Variants in TENM3 observed in about 807,000 individuals in gnomAD.
TENM3 encodes teneurin transmembrane protein 3.
Under a neutral mutation model 255.1 loss-of-function variants are expected in TENM3, and 63 were observed. The observed-to-expected ratio is 0.25, with a 90% CI of 0.20 to 0.30. The LOEUF is 0.30. Ranked by LOEUF, TENM3 falls within the 10% of genes least tolerant of loss-of-function variation. The probability of loss-of-function intolerance (pLI) is 1.00; values close to 1 mark genes in which losing one functional copy is unlikely to be tolerated. For missense variants in TENM3, 2,929 were observed against 3,461.1 expected, an observed-to-expected ratio of 0.85 and a Z score of 3.86; for synonymous variants, 1,306 against 1,322.3, an observed-to-expected ratio of 0.99 and a Z score of 0.27.
At chr4:182,725,779 G>A (rs1049616658) in intron 13 of TENM3, among the ~76,000 whole-genome samples, 2 of 151,720 alleles carry the variant, frequency 1.3e-5, no homozygotes, top group Non-Finnish European at 2.9e-5. Flanking sequence ...GAGATTACAG[G>A]CACCCACCAC....
rs551011568 is a variant in TENM3 at position 182,232,644 on chromosome 4, G to A, written c.-76+87890G>A. 6.6e-5 allele frequency among the ~76,000 whole-genome samples: 10 copies of A among 152,118 alleles called. No individual in the cohort carries two copies. The South Asian group carries it at 1.5e-3, about 22-fold the overall frequency. ...CTCGGAGACCAAGGTTGCAGTGAGC[G>A]GAGATCGCGCCACTGCACTCCAGCC... On this transcript the variant is annotated intron_variant, in intron 1 of 2. Transcript: ENST00000512480.
At chr4:181,622,732 T>C in the TENM3 span, among the ~76,000 whole-genome samples, 1 of 152,150 alleles carries the variant, frequency 6.6e-6, no homozygotes, top group Non-Finnish European at 1.5e-5. Context: ...GAGGGCTTCA[T>C]TGAAATAGAA....
At chr4:182,339,613 G>C (rs1352202362) in intron 2 of TENM3, among the ~76,000 whole-genome samples, 1 of 152,128 alleles carries the variant, frequency 6.6e-6, no homozygotes, top group African/African-American at 2.4e-5. Context: ...GGCCTTCATT[G>C]GTCTGATGTG....
the TENM3 span, among the ~76,000 whole-genome samples, chr4:181,548,576 A>T: frequency 3.3e-5 from 5 of 152,194 alleles, no homozygotes; most frequent in Non-Finnish European, 5.9e-5. Context: ...GTGTTCTCAG[A>T]AATATAATTT....
the TENM3 span, among the ~76,000 whole-genome samples, chr4:181,855,864 T>C: frequency 0.32 from 42,885 of 132,874 alleles, 6,439 homozygotes; most frequent in Middle Eastern, 0.46. Flanking sequence ...GGAGGGAGGA[T>C]AGGAGGAAGC....
At chr4:181,484,846 G>A in the TENM3 span, among the ~76,000 whole-genome samples, 5 of 152,054 alleles carry the variant, frequency 3.3e-5, no homozygotes, top group Non-Finnish European at 7.4e-5. Context: ...ATGTAAGGCC[G>A]GGCTAGCTAT....
the TENM3 span, among the ~76,000 whole-genome samples, chr4:181,657,814 A>C: frequency 6.8e-5 from 10 of 146,030 alleles, no homozygotes; most frequent in South Asian, 4.4e-4. Flanking sequence ...AAAAAAAAAA[A>C]CAAATCTATG....
At position 182,795,467 on chromosome 4, in the gene TENM3, G is replaced by A. The variant is rs570882306; in HGVS notation, c.7214-1170G>A. Among the ~76,000 whole-genome samples the A allele has an allele frequency of 7.2e-5, 11 of 152,036 alleles. No individual in the cohort carries two copies. In the South Asian group the frequency reaches 2.1e-3, roughly 29 times the overall value. ...TTTGCATCCTGTGTGAACCACTTAG[G>A]ATTTATGTCTCCCCACCACCACTAC... On this transcript the variant is annotated intron_variant, in intron 26 of 27. Transcript: ENST00000511685.
chr4:181,953,834 T>A, the TENM3 span, among the ~76,000 whole-genome samples: 1 of 152,122 alleles, frequency 6.6e-6, no homozygotes, highest in South Asian at 2.1e-4. Context: ...AAGTGTGTAT[T>A]TCAATAAATT....
chr4:182,165,968 C>T (rs1360635121), intron 1 of TENM3, among the ~76,000 whole-genome samples: 4 of 151,908 alleles, frequency 2.6e-5, no homozygotes, highest in East Asian at 1.9e-4. Context: ...TTAGTAGAGA[C>T]GGGGTTTCAC....
chr4:181,563,937 C>T, the TENM3 span, among the ~76,000 whole-genome samples: 1 of 151,568 alleles, frequency 6.6e-6, no homozygotes, highest in South Asian at 2.1e-4. Flanking sequence ...ATTGGAATCA[C>T]ATAATATTTG....
At chr4:181,940,451 A>T in the TENM3 span, among the ~76,000 whole-genome samples, 1 of 152,234 alleles carries the variant, frequency 6.6e-6, no homozygotes. Flanking sequence ...CTGAAAAAAA[A>T]GTTCCAGTCC....
the TENM3 span, among the ~76,000 whole-genome samples, chr4:181,879,793 A>G: frequency 6.6e-6 from 1 of 152,160 alleles, no homozygotes; most frequent in African/African-American, 2.4e-5. Context: ...AAATTAGTAG[A>G]CACACTTGTG....
At chr4:182,071,815 ATG>A in the TENM3 span, among the ~76,000 whole-genome samples, 103 of 152,308 alleles carry the variant, frequency 6.8e-4, 1 homozygote, top group Non-Finnish European at 1.1e-3. Context: ...AACACCAGGG[ATG>A]GTTCTTAATC....
chr4:181,632,803 T>A, the TENM3 span, among the ~76,000 whole-genome samples: 4 of 152,172 alleles, frequency 2.6e-5, no homozygotes, highest in Non-Finnish European at 5.9e-5. Flanking sequence ...AGGAGGCCGT[T>A]AAGAATATGA....
the TENM3 span, among the ~76,000 whole-genome samples, chr4:182,065,035 CTTTT>C: frequency 2.3e-5 from 3 of 130,020 alleles, no homozygotes; most frequent in African/African-American, 2.8e-5. Context: ...TAATTTCTTT[CTTTT>C]TTTTTTTTTT....
the TENM3 span, among the ~76,000 whole-genome samples, chr4:181,904,391 C>A: frequency 6.6e-6 from 1 of 152,104 alleles, no homozygotes; most frequent in Non-Finnish European, 1.5e-5. Context: ...GTGGTAGATG[C>A]CCCAATCACT....
the TENM3 span, among the ~76,000 whole-genome samples, chr4:181,888,559 T>TATAC: frequency 9.9e-6 from 1 of 101,406 alleles, no homozygotes; most frequent in Non-Finnish European, 2.0e-5. Context: ...TGTATATATA[T>TATAC]ACATATATGT....
At chr4:181,838,815 C>A in the TENM3 span, among the ~76,000 whole-genome samples, 1 of 151,962 alleles carries the variant, frequency 6.6e-6, no homozygotes, top group Middle Eastern at 3.4e-3. Context: ...TTTCATTAGG[C>A]TTTTCAGTGA....
Sources: allele counts gnomAD v4.1 joint callset (sites outside exome capture counted in the v4.1 genomes callset), GRCh38; gene constraint gnomAD v4.1.1; transcripts MANE v1.5; gene names NCBI Gene and HGNC (gene_info 2026-07-23, HGNC 2026-07-21).